The following METTL8 variants were observed in gnomAD, a reference collection of about 807,000 sequenced individuals.
METTL8 encodes the protein tRNA N(3)-cytidine methyltransferase METTL8, mitochondrial.
METTL8 carries 32 observed loss-of-function variants against 48.7 expected under a neutral mutation model. The observed-to-expected ratio is 0.66, with a 90% CI of 0.50 to 0.88. The LOEUF is 0.88. Among genes scored for constraint, METTL8 ranks in the 40% least tolerant of loss-of-function variants. The pLI, the probability that METTL8 is intolerant of heterozygous loss-of-function variation, is 0.00. For synonymous variants in METTL8, 136 were observed against 157.1 expected, an observed-to-expected ratio of 0.87 and a Z score of 1.01; for missense variants, 464 against 474.4, an observed-to-expected ratio of 0.98 and a Z score of 0.20.
chr2:171,319,681 T>G lies in METTL8; in HGVS notation c.*4491A>C, dbSNP rs1434707415. On this transcript the variant is annotated 3_prime_UTR_variant, in exon 10 of 10. Transcript: ENST00000375258. ...TCAGAAGTCAATGTTAAATGGGTGT[T>G]TCAATACAGGCAAATGTGTCATACC... The G allele has an allele frequency of 1.3e-5, 2 of 152,198 alleles. No individual in the cohort carries two copies. Among genetic ancestry groups the G allele is most frequent in the Non-Finnish European group, 2.9e-5 (2 of 68,038 alleles). The allele number at this position is 152,198 out of a possible 1,614,324, so 9.4% of individuals were successfully genotyped here. A position where few individuals can be genotyped will look rare whatever the true frequency, so the allele number is the denominator to read the frequency against.
At chr2:171,397,319 A>T (rs1270381523) in intron 1 of METTL8, among the ~76,000 whole-genome samples, 1 of 138,254 alleles carries the variant, frequency 7.2e-6, no homozygotes, top group Non-Finnish European at 1.6e-5. Flanking sequence ...AGACTTTGAG[A>T]CTAGCCTAGG....
At chr2:171,379,951 A>C (rs1436022576) in intron 2 of METTL8, among the ~76,000 whole-genome samples, 2 of 152,228 alleles carry the variant, frequency 1.3e-5, no homozygotes, top group Non-Finnish European at 2.9e-5. Flanking sequence ...CAACAAAAAA[A>C]GAAAACTTCA....
chr2:171,364,995 C>G (rs1188582563), intron 2 of METTL8, among the ~76,000 whole-genome samples: 2 of 152,072 alleles, frequency 1.3e-5, no homozygotes, highest in Non-Finnish European at 2.9e-5. Context: ...TACTTTCAGC[C>G]TAAAACGATT....
upstream of METTL8, chr2:171,434,286 CG>C: frequency 3.5e-6 from 2 of 573,116 alleles, no homozygotes; most frequent in Non-Finnish European, 6.5e-6. Flanking sequence ...AGAGCGGCTC[CG>C]GCCGGCCGCG....
In METTL8 at chr2:171,432,875, G is replaced by T. The variant is rs1406011633; in HGVS notation, c.-13+1008C>A. 2.6e-5 allele frequency among the ~76,000 whole-genome samples: 4 copies of T among 152,070 alleles called. No individual in the cohort carries two copies. The East Asian group carries it at 7.7e-4, about 29-fold the overall frequency. On this transcript the variant is annotated intron_variant, in intron 1 of 9. Transcript: ENST00000375258. ...CATAGGCCAATTGATATAAACAAAAGTTAAGTTCCTATAACATATTTCTGG... is the reference window on the plus strand; with the variant it reads ...CATAGGCCAATTGATATAAACAAAATTTAAGTTCCTATAACATATTTCTGG...
intron 1 of METTL8, among the ~76,000 whole-genome samples, chr2:171,423,832 A>G (rs1294680723): frequency 2.6e-5 from 4 of 152,262 alleles, no homozygotes; most frequent in African/African-American, 7.2e-5. Context: ...AGAAATTTGC[A>G]TAAGTAACAA....
At chr2:171,341,348 A>G (rs1271978643) in intron 3 of METTL8, among the ~76,000 whole-genome samples, 1 of 151,612 alleles carries the variant, frequency 6.6e-6, no homozygotes. Flanking sequence ...AAAAATTAAT[A>G]AAGTAACCCA....
At chr2:171,356,426 A>G (rs1477260426) in intron 3 of METTL8, among the ~76,000 whole-genome samples, 1 of 152,182 alleles carries the variant, frequency 6.6e-6, no homozygotes, top group Non-Finnish European at 1.5e-5. Context: ...GGCTTGAGCC[A>G]TCTTGTCCGG....
chr2:171,337,333 G>T, intron 5 of METTL8, 120 bp downstream of exon 5: 1 of 625,364 alleles, frequency 1.6e-6, no homozygotes, highest in Non-Finnish European at 2.7e-6. Flanking sequence ...ATTTGCTTGA[G>T]CCATTGTTCA....
In METTL8 at chr2:171,377,352, A is replaced by AAAAAT. The variant is rs199519491; in HGVS notation, c.143+14686_143+14690dup. Among the ~76,000 whole-genome samples, 213 of 152,276 alleles carry AAAAAT rather than the reference A, an allele frequency of 1.4e-3. 4 individuals carry two copies. In the East Asian group the frequency reaches 0.015, roughly 11 times the overall value. On this transcript the variant is annotated intron_variant, in intron 2 of 9. Coordinates refer to ENST00000375258, the MANE Select transcript of METTL8 (RefSeq NM_001321154.2). The stretch of plus-strand genomic sequence containing the variant: ...TAAAACAAAAATAAATATAACAACA[A>AAAAAT]AAAATAAATATAACAAAAACAAAAA...
chr2:171,408,389 A>T (rs898213639), intron 1 of METTL8, among the ~76,000 whole-genome samples: 1 of 147,198 alleles, frequency 6.8e-6, no homozygotes, highest in African/African-American at 2.5e-5. Flanking sequence ...CCGCCTCCCC[A>T]GTTCAAGTGA....
rs1233657322 is a variant in METTL8, at chr2:171,320,803, A to C, written c.*3369T>G. 6.6e-6 allele frequency: 1 copy of C among 152,240 alleles called. No homozygotes were observed. Among genetic ancestry groups the C allele is most frequent in the Non-Finnish European group, 1.5e-5 (1 of 68,032 alleles). The allele number at this position is 152,240 out of a possible 1,614,324, so 9.4% of individuals were successfully genotyped here. A position where few individuals can be genotyped will look rare whatever the true frequency, so the allele number is the denominator to read the frequency against. ...AAGGCAAGTTTGTGCAAAAACCTTT[A>C]TGTGGTCTTCCTTGCCACTGATCTC... On this transcript the variant is annotated 3_prime_UTR_variant, in exon 10 of 10. Coordinates refer to ENST00000375258, the MANE Select transcript of METTL8 (RefSeq NM_001321154.2).
chr2:171,337,016 C>T (rs1467474380), intron 5 of METTL8, among the ~76,000 whole-genome samples: 7 of 151,684 alleles, frequency 4.6e-5, no homozygotes, highest in African/African-American at 9.7e-5. Flanking sequence ...TACAGGCATG[C>T]GCCACCATGC....
chr2:171,333,227 T>C (rs1265853586), intron 5 of METTL8, among the ~76,000 whole-genome samples: 3 of 152,046 alleles, frequency 2.0e-5, no homozygotes, highest in African/African-American at 4.8e-5. Flanking sequence ...GCCTCCCAAG[T>C]AGCTGGGATT....
rs888578831 is a variant in METTL8 at position 171,321,512 on chromosome 2, T to A, written c.*2660A>T. ...TGCCCTGCCCCAGCCTGTTAAGAGA[T>A]GAACCAATGACTAAAGCTGGACCAA... is the stretch of plus-strand genomic sequence containing the variant. On this transcript the variant is annotated 3_prime_UTR_variant, in exon 10 of 10. Transcript: ENST00000375258. The A allele has an allele frequency of 6.6e-6, 1 of 152,208 alleles. No individual in the cohort carries two copies. The allele number at this position is 152,208 out of a possible 1,614,324, so 9.4% of individuals were successfully genotyped here. A position where few individuals can be genotyped will look rare whatever the true frequency, so the allele number is the denominator to read the frequency against.
chr2:171,323,968 C>A lies in METTL8; in HGVS notation c.*204G>T, dbSNP rs1330937342. 5 of 424,996 alleles carry A rather than the reference C, an allele frequency of 1.2e-5. No individual in the cohort carries two copies. Among genetic ancestry groups the A allele is most frequent in the Middle Eastern group, 5.7e-4 (1 of 1,746 alleles). 26.3% of individuals were successfully genotyped at this position (424,996 alleles called of 1,614,324 possible). A position where few individuals can be genotyped will look rare whatever the true frequency, so the allele number is the denominator to read the frequency against. On this transcript the variant is annotated 3_prime_UTR_variant, in exon 10 of 10. Transcript: ENST00000375258. ...TAAATTCAAACAAGCTTGAGCATAT[C>A]AAGTTTTCAAAGCACAGAAAAAGGC...
rs568892196 is a variant in METTL8, at chr2:171,316,993, A to G, written c.*7179T>C. On this transcript the variant is annotated 3_prime_UTR_variant, in exon 10 of 10. Coordinates refer to ENST00000375258, the MANE Select transcript of METTL8 (RefSeq NM_001321154.2). ...TTAGCAGGACTGCCTCAGGAGGAAC[A>G]CAAGTTGCTCTCAGGAGGCAGAAGG... 6.6e-6 allele frequency among the ~76,000 whole-genome samples: 1 copy of G among 152,356 alleles called. No homozygotes were observed. Among genetic ancestry groups the G allele is most frequent in the East Asian group, 1.9e-4 (1 of 5,188 alleles).
intron 2 of METTL8, among the ~76,000 whole-genome samples, chr2:171,366,023 G>T (rs1685682193): frequency 6.6e-6 from 1 of 152,162 alleles, no homozygotes; most frequent in South Asian, 2.1e-4. Context: ...TGTGCAACAG[G>T]ATACTAAAGG....
chr2:171,372,288 A>T (rs999831676), intron 2 of METTL8, among the ~76,000 whole-genome samples: 3 of 150,036 alleles, frequency 2.0e-5, no homozygotes, highest in African/African-American at 7.3e-5. Context: ...GGAAGGGGGC[A>T]TTTTTTTTTT....
Sources: allele counts gnomAD v4.1 joint callset (sites outside exome capture counted in the v4.1 genomes callset), GRCh38; gene constraint gnomAD v4.1.1; transcripts MANE v1.5; gene names NCBI Gene and HGNC (gene_info 2026-07-23, HGNC 2026-07-21).